The following VASH2 variants were observed in gnomAD, a reference collection of about 807,000 sequenced individuals.
VASH2 encodes the protein tubulinyl-Tyr carboxypeptidase 2.
Under a neutral mutation model 37.2 loss-of-function variants are expected in VASH2, and 28 were observed. That is an observed-to-expected ratio of 0.75 (90% CI 0.56 to 1.03). The LOEUF (loss-of-function observed/expected upper bound fraction) is 1.03. Among genes scored for constraint, VASH2 ranks in the 50% least tolerant of loss-of-function variants. The pLI is 0.00. For synonymous variants in VASH2, 188 were observed against 174.7 expected (o/e 1.08, Z -0.60); for missense variants, 419 against 459.1 (o/e 0.91, Z 0.80).
At chr1:212,965,620 A>G (rs1422095041) in intron 3 of VASH2, 102 bp from the exon 4 acceptor site, 2 of 1,116,668 alleles carry the variant, frequency 1.8e-6, no homozygotes, top group Non-Finnish European at 2.6e-6. Context: ...GAAAGCCCTC[A>G]CATCCTCATC....
intron 5 of VASH2, among the ~76,000 whole-genome samples, chr1:212,969,721 A>G (rs1334808796): frequency 2.0e-5 from 3 of 152,166 alleles, no homozygotes; most frequent in Non-Finnish European, 4.4e-5. Flanking sequence ...TTTGGTCAGC[A>G]TCCCTGGGTC....
chr1:212,988,961 C>CT lies in VASH2; in HGVS notation c.*378dup. ...GAACTTTTGGTATAGTAAGGTAACTCTAACAGTATTACTGTCTTTTTCAGC... is the reference window on the plus strand; with the variant it reads ...GAACTTTTGGTATAGTAAGGTAACTCTTAACAGTATTACTGTCTTTTTCAGC... On this transcript the variant is annotated 3_prime_UTR_variant, in exon 8 of 8. Coordinates refer to ENST00000517399, the MANE Select transcript of VASH2 (RefSeq NM_001301056.2). 4.9e-6 allele frequency: 1 copy of CT among 203,596 alleles called. No homozygotes were observed. Among genetic ancestry groups the CT allele is most frequent in the Non-Finnish European group, 1.0e-5 (1 of 96,238 alleles). The allele number at this position is 203,596 out of a possible 1,614,324, so 12.6% of individuals were successfully genotyped here.
At chr1:212,987,472 G>A (rs2102666035) in intron 7 of VASH2, among the ~76,000 whole-genome samples, 1 of 152,120 alleles carries the variant, frequency 6.6e-6, no homozygotes, top group Admixed American at 6.5e-5. Context: ...TACTCAGGAG[G>A]GTGAGGCAGG....
chr1:212,985,202 T>TC (rs1667443689), intron 7 of VASH2, among the ~76,000 whole-genome samples: 1 of 93,564 alleles, frequency 1.1e-5, no homozygotes, highest in Non-Finnish European at 2.3e-5. Flanking sequence ...TTTTTGCTTT[T>TC]TTTTTTTTTT....
chr1:212,983,313 A>G (rs1383639243), intron 7 of VASH2, among the ~76,000 whole-genome samples: 1 of 152,206 alleles, frequency 6.6e-6, no homozygotes, highest in African/African-American at 2.4e-5. Flanking sequence ...GTATTGGCCC[A>G]TGGTTCTGGA....
chr1:212,980,594 A>T (rs1170853851), intron 7 of VASH2, among the ~76,000 whole-genome samples: 1 of 152,226 alleles, frequency 6.6e-6, no homozygotes, highest in East Asian at 1.9e-4. Flanking sequence ...GAGCTGGACA[A>T]TGGAATTCCT....
intron 7 of VASH2, among the ~76,000 whole-genome samples, chr1:212,983,770 A>G (rs1344307276): frequency 6.6e-6 from 1 of 152,230 alleles, no homozygotes; most frequent in Non-Finnish European, 1.5e-5. Context: ...AGGAGACAGC[A>G]TAAGCCAAGG....
chr1:212,980,496 A>G (rs1194618581), intron 7 of VASH2, among the ~76,000 whole-genome samples: 2 of 152,146 alleles, frequency 1.3e-5, no homozygotes, highest in Middle Eastern at 3.4e-3. Flanking sequence ...TCATGGCTCC[A>G]GCGGGCTCTG....
At chr1:212,960,470 C>T (rs1316526838) in intron 2 of VASH2, among the ~76,000 whole-genome samples, 4 of 152,204 alleles carry the variant, frequency 2.6e-5, no homozygotes, top group African/African-American at 9.6e-5. Context: ...AAGGGACACA[C>T]TGGGCGTTGC....
At chr1:212,976,637 A>G (rs1417591030) in intron 7 of VASH2, among the ~76,000 whole-genome samples, 1 of 151,886 alleles carries the variant, frequency 6.6e-6, no homozygotes, top group Non-Finnish European at 1.5e-5. Context: ...AGAAGATGGA[A>G]GAGGAACAGT....
chr1:212,965,761 A>G lies in VASH2; in HGVS notation c.405A>G (p.Lys135=). ...GGACCCAGTTCTTTGAAATTAGGAA[A>G]ATGAGACCGCTGAGTGGGTAAGTGG... The part of the protein sequence containing the change: ...HTGTQFFEIR[K]MRPLSGLMET... The change falls in exon 4 of 8, where the codon AAA becomes AAG. Residue 135 remains lysine (K), a synonymous_variant. Coordinates refer to ENST00000517399, the MANE Select transcript of VASH2 (RefSeq NM_001301056.2). The G allele has an allele frequency of 6.4e-7, 1 of 1,552,276 alleles. No individual in the cohort carries two copies. Among genetic ancestry groups the G allele is most frequent in the Non-Finnish European group, 8.7e-7 (1 of 1,147,058 alleles).
At position 212,961,375 on chromosome 1, in the gene VASH2, G is replaced by C. The variant is rs1244145264; in HGVS notation, c.365+121G>C. On this transcript the variant is annotated intron_variant, in intron 3 of 7. Transcript: ENST00000517399. ...AGCTCTCTAAGGTTGGTGAGGCCAG[G>C]CATGGAGGGATGTCCCGGGTGGGAG... 3 of 1,556,416 alleles carry C rather than the reference G, an allele frequency of 1.9e-6. No individual in the cohort carries two copies. In the African/African-American group the frequency reaches 4.1e-5, roughly 21 times the overall value.
intron 7 of VASH2, among the ~76,000 whole-genome samples, chr1:212,979,553 C>T (rs1358595096): frequency 3.3e-5 from 5 of 152,218 alleles, no homozygotes; most frequent in African/African-American, 9.7e-5. Context: ...TCCCCATCCA[C>T]CTCCTCCCTC....
chr1:212,985,217 TTTTTG>T (rs1667444214), intron 7 of VASH2, among the ~76,000 whole-genome samples: 1 of 124,462 alleles, frequency 8.0e-6, no homozygotes, highest in African/African-American at 2.8e-5. Flanking sequence ...TTTTTTTTTT[TTTTTG>T]TAGAGATGGG....
chr1:212,991,479 A>G lies in VASH2; in HGVS notation c.*2895A>G, dbSNP rs1175042070. On this transcript the variant is annotated 3_prime_UTR_variant, in exon 8 of 8. Coordinates refer to ENST00000517399, the MANE Select transcript of VASH2 (RefSeq NM_001301056.2). The stretch of plus-strand genomic sequence containing the variant: ...ATTAAATGAAAACTTGTATAATGGT[A>G]TTTTAGAGAATGCCAGTAAGTGCAT... 2 of 152,232 alleles carry G rather than the reference A, an allele frequency of 1.3e-5. No individual in the cohort carries two copies. The highest frequency in any genetic ancestry group is 1.3e-4 in the Admixed American group (2 of 15,286). 9.4% of individuals were successfully genotyped at this position (152,232 alleles called of 1,614,324 possible).
rs959423744 is a variant in VASH2, at chr1:212,988,585, C to T, written c.*1C>T. 6.2e-7 allele frequency: 1 copy of T among 1,613,764 alleles called. No individual in the cohort carries two copies. On this transcript the variant is annotated 3_prime_UTR_variant, in exon 8 of 8. Coordinates refer to ENST00000517399, the MANE Select transcript of VASH2 (RefSeq NM_001301056.2). ...AGTGGGCTATCAAATCCGAATTTAG[C>T]CAAGCCATACCGGCCAGCAAGAGGG...
At chr1:212,966,036 G>A in intron 4 of VASH2, 1 of 601,760 alleles carries the variant, frequency 1.7e-6, no homozygotes, top group South Asian at 2.0e-5. Context: ...TCATTTATTT[G>A]TTCTATTGTA....
At chr1:212,985,872 T>C (rs1667462869) in intron 7 of VASH2, among the ~76,000 whole-genome samples, 2 of 152,212 alleles carry the variant, frequency 1.3e-5, no homozygotes, top group Non-Finnish European at 2.9e-5. Flanking sequence ...TAAATCTCAC[T>C]GGCTACAACT....
At chr1:212,961,894 G>C in intron 3 of VASH2, among the ~76,000 whole-genome samples, 1 of 152,116 alleles carries the variant, frequency 6.6e-6, no homozygotes, top group Non-Finnish European at 1.5e-5. Context: ...GTCACCACAC[G>C]GAGCCCTCCA....
Sources: allele counts gnomAD v4.1 joint callset (sites outside exome capture counted in the v4.1 genomes callset), GRCh38; gene constraint gnomAD v4.1.1; transcripts MANE v1.5; gene names NCBI Gene and HGNC (gene_info 2026-07-23, HGNC 2026-07-21).